SLC9A4: variants seen among roughly 807,000 people sequenced by gnomAD.
SLC9A4 encodes the protein sodium/hydrogen exchanger 4.
A neutral mutation model predicts 67.4 loss-of-function variants in SLC9A4; 63 were observed. The ratio of observed to expected loss-of-function variants is 0.93; its 90% CI spans 0.76 to 1.15. The LOEUF is 1.15. SLC9A4 is among the 50% of genes most tolerant of loss of function. The pLI is 0.00. For synonymous variants in SLC9A4, 393 were observed against 367.2 expected (o/e 1.07, Z -0.80); for missense variants, 1,089 against 987.7 (o/e 1.10, Z -1.38).
chr2:102,479,430 T>C (rs1027344098), intron 2 of SLC9A4, 128 bp downstream of exon 2: 27 of 974,470 alleles, frequency 2.8e-5, no homozygotes, highest in Admixed American at 8.0e-5. Flanking sequence ...CTTCAGCCCA[T>C]GCGGTGTGGT....
At chr2:102,506,306 C>T (rs1202245560) in intron 4 of SLC9A4, among the ~76,000 whole-genome samples, 2 of 152,014 alleles carry the variant, frequency 1.3e-5, no homozygotes, top group Non-Finnish European at 2.9e-5. Context: ...ATATTTGAAG[C>T]GTTATGTTAA....
chr2:102,474,546 G>T (rs566600262), intron 1 of SLC9A4, among the ~76,000 whole-genome samples: 19 of 152,164 alleles, frequency 1.2e-4, no homozygotes, highest in African/African-American at 4.3e-4. Context: ...GGATGTCGGG[G>T]CATATAAGAT....
At chr2:102,521,748 A>G (rs879264339) in intron 9 of SLC9A4, among the ~76,000 whole-genome samples, 1 of 152,206 alleles carries the variant, frequency 6.6e-6, no homozygotes, top group Non-Finnish European at 1.5e-5. Context: ...AAGGGTGTAC[A>G]TTAGCCATCC....
intron 3 of SLC9A4, 33 bp from the exon 4 acceptor site, chr2:102,505,221 T>A (rs1216505154): frequency 6.3e-7 from 1 of 1,599,078 alleles, no homozygotes; most frequent in Non-Finnish European, 8.5e-7. Flanking sequence ...GAAAACCTCA[T>A]GGATTTTCTC....
chr2:102,484,846 T>G (rs966152666), intron 2 of SLC9A4, among the ~76,000 whole-genome samples: 10 of 152,132 alleles, frequency 6.6e-5, no homozygotes, highest in African/African-American at 2.4e-4. Flanking sequence ...GTCTCTGCTC[T>G]TGACTGCCAC....
At chr2:102,518,105 G>A (rs780578887) in intron 8 of SLC9A4, among the ~76,000 whole-genome samples, 16 of 152,170 alleles carry the variant, frequency 1.1e-4, no homozygotes, top group Non-Finnish European at 7.3e-5. Flanking sequence ...GCTTCTCAGT[G>A]TGGCTCCATG....
At chr2:102,512,385 C>T (rs1685182996) in intron 7 of SLC9A4, 112 bp downstream of exon 7, 2 of 1,122,116 alleles carry the variant, frequency 1.8e-6, no homozygotes, top group African/African-American at 1.6e-5. Flanking sequence ...TAAAGTGCTC[C>T]TGAGCCATCC....
chr2:102,532,364 C>CA lies in SLC9A4; in HGVS notation c.2074dup (p.Thr692AsnfsTer65), dbSNP rs1387709316. The stretch of plus-strand genomic sequence containing the variant: ...GCAGTGATCCAGGATCCCCATCCAT[C>CA]ACGTTCAGCGCATGCTCTCGGATAG... On this transcript the variant is annotated frameshift_variant, in exon 12 of 12. Transcript: ENST00000295269. LOFTEE classifies it low-confidence loss of function (END_TRUNC). 6.2e-7 allele frequency: 1 copy of CA among 1,613,868 alleles called. No individual in the cohort carries two copies. Among genetic ancestry groups the CA allele is most frequent in the Non-Finnish European group, 8.5e-7 (1 of 1,179,948 alleles).
rs986563868 is a variant in SLC9A4 at position 102,529,027 on chromosome 2, A to G, written c.2038+2681A>G. Among the ~76,000 whole-genome samples the G allele has an allele frequency of 8.5e-5, 13 of 152,376 alleles. 1 individual carries two copies. The East Asian group carries it at 2.5e-3, about 29-fold the overall frequency. Reference sequence around the variant, plus strand: ...TCATACATGCAGGATACGCATATGAACAGGTACATAAAGCTGCTAGAGCAG... The same window carrying G: ...TCATACATGCAGGATACGCATATGAGCAGGTACATAAAGCTGCTAGAGCAG... On this transcript the variant is annotated intron_variant, in intron 11 of 11. Coordinates refer to ENST00000295269, the MANE Select transcript of SLC9A4 (RefSeq NM_001011552.4).
chr2:102,507,681 A>C (rs1685077512), intron 4 of SLC9A4, among the ~76,000 whole-genome samples: 1 of 152,164 alleles, frequency 6.6e-6, no homozygotes, highest in South Asian at 2.1e-4. Context: ...TGAGAATATG[A>C]GATGATAAGA....
chr2:102,532,531 C>T lies in SLC9A4; in HGVS notation c.2240C>T (p.Pro747Leu). 1.9e-6 allele frequency: 3 copies of T among 1,613,942 alleles called. No individual in the cohort carries two copies. Among genetic ancestry groups the T allele is most frequent in the Middle Eastern group, 3.3e-4 (2 of 6,062 alleles). Residue 747 changes from proline (P) to leucine (L), a missense_variant, in exon 12 of 12, where the codon CCC (proline) becomes CTC (leucine). Transcript: ENST00000295269. ...LGGVRRVALR[P>L]KPLFHAVDEE... ...GGAGTAAGGAGGGTGGCCTTAAGAC[C>T]CAAACCTCTGTTTCATGCAGTGGAT...
chr2:102,506,704 C>T (rs1685056999), intron 4 of SLC9A4, among the ~76,000 whole-genome samples: 1 of 152,124 alleles, frequency 6.6e-6, no homozygotes, highest in Non-Finnish European at 1.5e-5. Flanking sequence ...TGGGAATCTA[C>T]AGGGGAGTAG....
At position 102,503,840 on chromosome 2, in the gene SLC9A4, C is replaced by T. The variant is rs1245002925; in HGVS notation, c.980+133C>T. 3.9e-6 allele frequency: 5 copies of T among 1,275,824 alleles called. No homozygotes were observed. In the African/African-American group the frequency reaches 7.5e-5, roughly 19 times the overall value. 79.0% of individuals were successfully genotyped at this position (1,275,824 alleles called of 1,614,324 possible). A position where few individuals can be genotyped will look rare whatever the true frequency, so the allele number is the denominator to read the frequency against. ...CAACATGTTGCAGATTTAGGATCTT[C>T]TAAACTTTTATGAAACCTGATTCGG... On this transcript the variant is annotated intron_variant, in intron 3 of 11. Coordinates refer to ENST00000295269, the MANE Select transcript of SLC9A4 (RefSeq NM_001011552.4).
intron 4 of SLC9A4, among the ~76,000 whole-genome samples, chr2:102,506,937 C>T (rs768883106): frequency 4.6e-5 from 7 of 152,126 alleles, no homozygotes; most frequent in Non-Finnish European, 5.9e-5. Context: ...TGTTGGAATC[C>T]GGTTCTCCCG....
At chr2:102,490,679 G>A (rs1220371308) in intron 2 of SLC9A4, among the ~76,000 whole-genome samples, 3 of 152,130 alleles carry the variant, frequency 2.0e-5, no homozygotes, top group African/African-American at 4.8e-5. Flanking sequence ...AATAATAAGT[G>A]CTTTATGATG....
At chr2:102,527,807 T>A (rs1674697585) in intron 11 of SLC9A4, among the ~76,000 whole-genome samples, 1 of 152,224 alleles carries the variant, frequency 6.6e-6, no homozygotes, top group South Asian at 2.1e-4. Context: ...AATTTTCATA[T>A]GAATCTCTTT....
intron 11 of SLC9A4, 97 bp from the exon 12 acceptor site, chr2:102,532,233 G>C: frequency 7.5e-7 from 1 of 1,342,274 alleles, no homozygotes; most frequent in Non-Finnish European, 1.0e-6. Flanking sequence ...CTCAGGAAGA[G>C]CTTTGCTTCA....
chr2:102,530,169 C>G (rs984504135), intron 11 of SLC9A4, among the ~76,000 whole-genome samples: 2 of 152,156 alleles, frequency 1.3e-5, no homozygotes, highest in Non-Finnish European at 2.9e-5. Flanking sequence ...GTCTGGGTGT[C>G]TGAACAGTGT....
At chr2:102,531,551 C>G (rs1409208767) in intron 11 of SLC9A4, among the ~76,000 whole-genome samples, 1 of 152,150 alleles carries the variant, frequency 6.6e-6, no homozygotes, top group Non-Finnish European at 1.5e-5. Flanking sequence ...AGGCTCTGCT[C>G]AAACTCTGGT....
Sources: gnomAD v4.1 joint callset for allele counts (sites outside exome capture counted in the v4.1 genomes callset) on GRCh38, gnomAD v4.1.1 for gene constraint, MANE v1.5 for transcripts, NCBI Gene and HGNC (gene_info 2026-07-23, HGNC 2026-07-21) for gene names.